The following TMEM131L variants were observed in gnomAD, a reference collection of about 807,000 sequenced individuals.
The protein encoded by TMEM131L is transmembrane 131 like.
A neutral mutation model predicts 192.2 loss-of-function variants in TMEM131L; 54 were observed. That is an observed-to-expected ratio of 0.28 (90% CI 0.23 to 0.35). TMEM131L has a LOEUF of 0.35. Ranked by LOEUF, TMEM131L falls within the 10% of genes least tolerant of loss-of-function variation. The pLI, the probability that TMEM131L is intolerant of heterozygous loss-of-function variation, is 1.00. For synonymous variants in TMEM131L, 701 were observed against 704.9 expected, an observed-to-expected ratio of 0.99 and a Z score of 0.09; for missense variants, 1,888 against 1,972.9, an observed-to-expected ratio of 0.96 and a Z score of 0.82.
chr4:153,563,264 G>A (rs780559384), intron 7 of TMEM131L, among the ~76,000 whole-genome samples: 3 of 152,166 alleles, frequency 2.0e-5, no homozygotes, highest in Non-Finnish European at 4.4e-5. Flanking sequence ...TAAAATGGGA[G>A]ATGTGCTTGA....
At position 153,596,357 on chromosome 4, in the gene TMEM131L, G is replaced by A. The variant is rs760914528; in HGVS notation, c.2095G>A (p.Gly699Arg). 9.9e-6 allele frequency: 16 copies of A among 1,613,744 alleles called. No individual in the cohort carries two copies. Among genetic ancestry groups the A allele is most frequent in the South Asian group, 1.1e-5 (1 of 91,084 alleles). Residue 699 changes from glycine (G) to arginine (R), a missense_variant, in exon 20 of 35, where the codon GGA becomes AGA. Transcript: ENST00000409959. ...VGVVFTPADY[G>R]KVTSLILIRN... is the part of the protein sequence containing the mutation. ...CGTAGTTTTCACACCTGCTGACTAT[G>A]GAAAAGTTACCTCACTCATACTAAT... is the stretch of plus-strand genomic sequence containing the variant.
At chr4:153,563,504 G>C (rs1261523045) in intron 7 of TMEM131L, among the ~76,000 whole-genome samples, 1 of 113,078 alleles carries the variant, frequency 8.8e-6, no homozygotes, top group Non-Finnish European at 1.6e-5. Flanking sequence ...GTCTCGCTCT[G>C]TCACCTAGGC....
At chr4:153,487,294 G>A (rs1732407758) in intron 3 of TMEM131L, among the ~76,000 whole-genome samples, 1 of 152,300 alleles carries the variant, frequency 6.6e-6, no homozygotes, top group East Asian at 1.9e-4. Flanking sequence ...TACCACCACT[G>A]GCCCAGGATT....
Position 153,593,879 on chromosome 4 carries a change from G to A in TMEM131L, c.1995+8G>A. On this transcript the variant is annotated splice_region_variant and intron_variant, in intron 19 of 34. Transcript: ENST00000409959. Reference sequence around the variant, plus strand: ...GAAGCTTGCCCTTACCTGGTAGGATGTTATCCTAAAACAGAAAAAAGAATG... The same window carrying A: ...GAAGCTTGCCCTTACCTGGTAGGATATTATCCTAAAACAGAAAAAAGAATG... 2 of 1,595,190 alleles carry A rather than the reference G, an allele frequency of 1.3e-6. No individual in the cohort carries two copies. Among genetic ancestry groups the A allele is most frequent in the South Asian group, 2.2e-5 (2 of 90,660 alleles).
At chr4:153,477,742 G>A (rs1448069487) in intron 3 of TMEM131L, among the ~76,000 whole-genome samples, 1 of 152,058 alleles carries the variant, frequency 6.6e-6, no homozygotes, top group Non-Finnish European at 1.5e-5. Flanking sequence ...CTTGTTGCCT[G>A]CAATGTATTC....
intron 2 of TMEM131L, among the ~76,000 whole-genome samples, chr4:153,467,880 G>T (rs1010241973): frequency 2.6e-5 from 4 of 152,152 alleles, no homozygotes; most frequent in African/African-American, 7.2e-5. Context: ...ATCATAGAGG[G>T]TTTATTGCTG....
intron 3 of TMEM131L, among the ~76,000 whole-genome samples, chr4:153,526,323 A>G (rs1338124339): frequency 6.6e-6 from 1 of 152,168 alleles, no homozygotes. Flanking sequence ...TGTTCATCTG[A>G]GAATCATTTA....
intron 7 of TMEM131L, among the ~76,000 whole-genome samples, chr4:153,578,886 G>A (rs553754068): frequency 1.3e-5 from 2 of 151,246 alleles, no homozygotes; most frequent in South Asian, 4.2e-4. Flanking sequence ...TCCAACTGCT[G>A]ACCTCAGATG....
chr4:153,484,614 G>A (rs1436846550), intron 3 of TMEM131L, among the ~76,000 whole-genome samples: 1 of 149,846 alleles, frequency 6.7e-6, no homozygotes, highest in South Asian at 2.1e-4. Context: ...GAATACAGGC[G>A]CCCGCCACCA....
intron 18 of TMEM131L, among the ~76,000 whole-genome samples, chr4:153,593,337 T>G (rs1311018241): frequency 6.6e-6 from 1 of 152,066 alleles, no homozygotes; most frequent in Non-Finnish European, 1.5e-5. Flanking sequence ...AGCCATCTTG[T>G]GTGTTGAAGG....
In TMEM131L at chr4:153,622,890, T is replaced by A. The variant is rs768404275; in HGVS notation, c.3860-8T>A. The A allele has an allele frequency of 2.2e-5, 36 of 1,613,896 alleles. No homozygotes were observed. The highest frequency in any genetic ancestry group is 3.0e-5 in the Non-Finnish European group (35 of 1,179,910). On this transcript the variant is annotated splice_polypyrimidine_tract_variant and splice_region_variant and intron_variant, in intron 28 of 34. Coordinates refer to ENST00000409959, the MANE Select transcript of TMEM131L (RefSeq NM_001131007.2). ...TCAGGGAAACATGACTCCTTTCACT[T>A]CCTCCAGAAGGTTACTACCAGAAGC...
chr4:153,585,533 A>G lies in TMEM131L; in HGVS notation c.1233A>G (p.Ile411Met), dbSNP rs774160378. The change falls in exon 13 of 35, where the codon ATA becomes ATG. Residue 411 changes from isoleucine to methionine, a missense_variant. By Grantham distance (10) the Ile-to-Met change is conservative. Transcript: ENST00000409959. ...AGAACACATCAGGACTTTGGTCAAT[A>G]TGGTACCGCAACCATTTTGACCGTA... is the stretch of plus-strand genomic sequence containing the variant. The part of the protein sequence containing the change: ...THENTSGLWS[I>M]WYRNHFDRSV... 1.2e-6 allele frequency: 2 copies of G among 1,614,100 alleles called. No homozygotes were observed. The highest frequency in any genetic ancestry group is 2.2e-5 in the East Asian group (1 of 44,872).
chr4:153,627,954 A>T (rs1733965611), intron 31 of TMEM131L, among the ~76,000 whole-genome samples: 1 of 152,224 alleles, frequency 6.6e-6, no homozygotes, highest in African/African-American at 2.4e-5. Flanking sequence ...GAATAATCCC[A>T]GGCCCCTCAC....
At chr4:153,576,561 A>G (rs1268526476) in intron 7 of TMEM131L, among the ~76,000 whole-genome samples, 1 of 152,156 alleles carries the variant, frequency 6.6e-6, no homozygotes, top group East Asian at 1.9e-4. Flanking sequence ...TGTGTCAAAA[A>G]CTGTTAATAT....
intron 7 of TMEM131L, 23 bp downstream of exon 7, chr4:153,558,391 G>C (rs1413851762): frequency 7.0e-7 from 1 of 1,419,758 alleles, no homozygotes; most frequent in Non-Finnish European, 9.9e-7. Flanking sequence ...GATTTACTTT[G>C]AATGCTGGTG....
rs927753871 is a variant in TMEM131L, at chr4:153,626,317, G to C, written c.4124+92G>C. Reference sequence around the variant, plus strand: ...TTTCTTCTTTGTACTTGGTTCTGCAGGTTAAAATATGAAAACTTTTTAAAG... The same window carrying C: ...TTTCTTCTTTGTACTTGGTTCTGCACGTTAAAATATGAAAACTTTTTAAAG... On this transcript the variant is annotated intron_variant, in intron 30 of 34. Transcript: ENST00000409959. The C allele has an allele frequency of 3.8e-5, 31 of 808,220 alleles. 1 individual carries two copies. The highest frequency in any genetic ancestry group is 2.8e-4 in the South Asian group (17 of 60,244). The allele number at this position is 808,220 out of a possible 1,614,324, so 50.1% of individuals were successfully genotyped here.
At chr4:153,624,836 AT>A (rs1733717866) in intron 29 of TMEM131L, among the ~76,000 whole-genome samples, 1 of 152,066 alleles carries the variant, frequency 6.6e-6, no homozygotes, top group East Asian at 1.9e-4. Context: ...AAGCTGTACT[AT>A]TTCTTCTCTC....
chr4:153,522,136 C>G (rs1001507389), intron 3 of TMEM131L, among the ~76,000 whole-genome samples: 1 of 152,020 alleles, frequency 6.6e-6, no homozygotes, highest in Non-Finnish European at 1.5e-5. Flanking sequence ...AGTGAGAAAT[C>G]AAGTGTGGGT....
At chr4:153,634,431 G>T (rs756018078) in intron 33 of TMEM131L, 151 bp downstream of exon 33, 3 of 617,258 alleles carry the variant, frequency 4.9e-6, no homozygotes, top group Non-Finnish European at 8.6e-6. Flanking sequence ...TGTGGATCCA[G>T]TTGTGCACTG....
Sources: allele counts gnomAD v4.1 joint callset (sites outside exome capture counted in the v4.1 genomes callset), GRCh38; gene constraint gnomAD v4.1.1; transcripts MANE v1.5; gene names NCBI Gene and HGNC (gene_info 2026-07-23, HGNC 2026-07-21).